Variants in CCDC180 observed in about 807,000 individuals in gnomAD.
CCDC180 encodes the protein coiled-coil domain-containing protein 180.
A neutral mutation model predicts 209.2 loss-of-function variants in CCDC180; 154 were observed. That is an observed-to-expected ratio of 0.74 (90% confidence interval 0.65 to 0.84). The LOEUF is 0.84. Ranked by LOEUF, CCDC180 falls within the 40% of genes least tolerant of loss-of-function variation. The probability of loss-of-function intolerance (pLI) is 0.00; values close to 1 mark genes in which losing one functional copy is unlikely to be tolerated. For synonymous variants in CCDC180, 778 were observed against 749.1 expected, an observed-to-expected ratio of 1.04 and a Z score of -0.63; for missense variants, 1,874 against 1,997.3, an observed-to-expected ratio of 0.94 and a Z score of 1.18.
chr9:97,327,728 C>T (rs528046691), intron 15 of CCDC180, among the ~76,000 whole-genome samples: 4 of 152,172 alleles, frequency 2.6e-5, no homozygotes, highest in South Asian at 4.2e-4. Flanking sequence ...ATGTAGGTAC[C>T]GTCAAGTTCG....
rs1826937056 is a variant in CCDC180 at position 97,366,798 on chromosome 9, G to C, written c.4189+98G>C. 3 of 1,336,976 alleles carry C rather than the reference G, an allele frequency of 2.2e-6. No homozygotes were observed. In the East Asian group the frequency reaches 7.4e-5, roughly 33 times the overall value. The allele number at this position is 1,336,976 out of a possible 1,614,324, so 82.8% of individuals were successfully genotyped here. ...CTTGTGGCCTGGATCCTCCCCTCTG[G>C]GGGAGGCAGAAGAGCTTCCCTGTGA... On this transcript the variant is annotated intron_variant, in intron 31 of 36. Coordinates refer to ENST00000529487, the MANE Select transcript of CCDC180 (RefSeq NM_020893.6). This position sits in a 1 kb window ranked among gnomAD's most constrained non-coding sequence, Gnocchi z 4.3.
intron 11 of CCDC180, 132 bp from the exon 12 acceptor site, chr9:97,322,701 C>CA: frequency 1.4e-6 from 1 of 735,520 alleles, no homozygotes; most frequent in Non-Finnish European, 2.3e-6. Flanking sequence ...CCCCTGATCT[C>CA]AATCGGGACC....
chr9:97,323,925 A>G (rs1171590679), intron 13 of CCDC180, 22 bp downstream of exon 13: 1 of 1,550,354 alleles, frequency 6.5e-7, no homozygotes, highest in Non-Finnish European at 8.7e-7. Context: ...GGACTGTTCC[A>G]CTGGGGAGCT....
Position 97,373,640 on chromosome 9 carries a change from A to G in CCDC180, c.4601-903A>G, listed in dbSNP as rs999796656. On this transcript the variant is annotated intron_variant, in intron 34 of 36. Transcript: ENST00000529487. ...AATGTAATAAGCATTGTAACTTACT[A>G]ATTAGTCCCTTTGCTATTGAACTTT... is the stretch of plus-strand genomic sequence containing the variant. 3 of 152,228 alleles carry G rather than the reference A, an allele frequency of 2.0e-5. No individual in the cohort carries two copies. The South Asian group carries it at 6.2e-4, about 32-fold the overall frequency. The allele number at this position is 152,228 out of a possible 1,614,324, so 9.4% of individuals were successfully genotyped here. A position where few individuals can be genotyped will look rare whatever the true frequency, so the allele number is the denominator to read the frequency against.
intron 15 of CCDC180, 139 bp downstream of exon 15, chr9:97,326,808 C>T: frequency 1.6e-6 from 1 of 607,492 alleles, no homozygotes; most frequent in Non-Finnish European, 3.0e-6. Flanking sequence ...AGCATGTGGC[C>T]CTCTGCAGCT....
intron 20 of CCDC180, among the ~76,000 whole-genome samples, chr9:97,348,790 C>T (rs1826343582): frequency 6.6e-6 from 1 of 152,196 alleles, no homozygotes; most frequent in Admixed American, 6.5e-5. Context: ...ACCCTCTCAC[C>T]TAGATCTCAG....
At chr9:97,339,113 A>G (rs796481301) in intron 18 of CCDC180, among the ~76,000 whole-genome samples, 15 of 152,182 alleles carry the variant, frequency 9.9e-5, no homozygotes, top group African/African-American at 3.6e-4. Flanking sequence ...TCTTTATTCA[A>G]TTTGCCAGTC....
intron 17 of CCDC180, 23 bp from the exon 18 acceptor site, chr9:97,330,299 G>T (rs1350722980): frequency 6.2e-7 from 1 of 1,612,674 alleles, no homozygotes; most frequent in Non-Finnish European, 8.5e-7. Flanking sequence ...CTCTCCTTGT[G>T]CTTTGGTGTT....
chr9:97,319,664 CT>C (rs1419865591), intron 10 of CCDC180, among the ~76,000 whole-genome samples: 1 of 152,216 alleles, frequency 6.6e-6, no homozygotes, highest in Middle Eastern at 3.4e-3. Flanking sequence ...TGATCTCATT[CT>C]TTTTTTATGA....
chr9:97,316,793 T>C (rs1587784362), intron 8 of CCDC180, among the ~76,000 whole-genome samples: 1 of 152,192 alleles, frequency 6.6e-6, no homozygotes, highest in African/African-American at 2.4e-5. Context: ...ACAAACCATC[T>C]GAAGTGACCT....
rs182905987 is a variant in CCDC180, at chr9:97,357,726, G to A, written c.3363+1G>A. ...TCAAGAGTCCAGGGGAGAGAAAACCGTAAGTGTTCAATAGATTCTGCATGT... is the reference window on the plus strand; with the variant it reads ...TCAAGAGTCCAGGGGAGAGAAAACCATAAGTGTTCAATAGATTCTGCATGT... On this transcript the variant is annotated splice_donor_variant, in intron 25 of 36. Coordinates refer to ENST00000529487, the MANE Select transcript of CCDC180 (RefSeq NM_020893.6). LOFTEE classifies it high-confidence loss of function. The A allele has an allele frequency of 1.6e-5, 26 of 1,590,856 alleles. No homozygotes were observed. The highest frequency in any genetic ancestry group is 7.9e-5 in the South Asian group (7 of 88,978).
chr9:97,372,889 A>G, intron 34 of CCDC180: 1 of 152,140 alleles, frequency 6.6e-6, no homozygotes. Context: ...AAATAACGAA[A>G]ATTGGATGCA....
At chr9:97,338,140 G>GT (rs1206440820) in intron 18 of CCDC180, among the ~76,000 whole-genome samples, 2 of 152,082 alleles carry the variant, frequency 1.3e-5, no homozygotes, top group Non-Finnish European at 2.9e-5. Flanking sequence ...TTTTTGAAAG[G>GT]TTTTTTGTGT....
chr9:97,354,945 C>G lies in CCDC180; in HGVS notation c.3201C>G (p.Asp1067Glu). The G allele has an allele frequency of 6.2e-7, 1 of 1,614,154 alleles. No individual in the cohort carries two copies. The highest frequency in any genetic ancestry group is 1.1e-5 in the South Asian group (1 of 91,082). ...GCAAATTCCATAACCTGTCTGTGGA[C>G]CTTATTTTCATAGAGAAAATCCAGC... ...FESKFHNLSV[D>E]LIFIEKIQRL... Residue 1067 changes from aspartate to glutamate, a missense_variant, in exon 24 of 37, where the codon GAC (aspartate) becomes GAG (glutamate). Asp to Glu is a conservative substitution (Grantham distance 45). Transcript: ENST00000529487.
chr9:97,332,829 A>G (rs750447402), intron 18 of CCDC180, among the ~76,000 whole-genome samples: 1 of 152,128 alleles, frequency 6.6e-6, no homozygotes, highest in Non-Finnish European at 1.5e-5. Flanking sequence ...GGATAGTTTG[A>G]CTTCCTCTCT....
intron 13 of CCDC180, 104 bp from the exon 14 acceptor site, chr9:97,324,915 A>C: frequency 9.3e-7 from 1 of 1,069,846 alleles, no homozygotes; most frequent in Non-Finnish European, 1.3e-6. Flanking sequence ...GTGTCTGGGC[A>C]ATACTGTTCA....
At chr9:97,318,771 G>A (rs767158612) in intron 10 of CCDC180, among the ~76,000 whole-genome samples, 189 bp downstream of exon 10, 2 of 152,178 alleles carry the variant, frequency 1.3e-5, no homozygotes, top group South Asian at 2.1e-4. Flanking sequence ...CCCATTTGCT[G>A]CAGGAAGAAA....
At position 97,366,726 on chromosome 9, in the gene CCDC180, G is replaced by T. The variant is rs528188653; in HGVS notation, c.4189+26G>T. ...GTGAGTATAGGCAGCAGGAAGGCAC[G>T]GGGAACAGGGCGGGGCGCGAAGCCA... is the stretch of plus-strand genomic sequence containing the variant. On this transcript the variant is annotated intron_variant, in intron 31 of 36. Transcript: ENST00000529487. The surrounding 1 kb of genome is among the most constrained non-coding windows in gnomAD (Gnocchi z 4.3). 5.6e-6 allele frequency: 9 copies of T among 1,612,508 alleles called. No homozygotes were observed. Among genetic ancestry groups the T allele is most frequent in the Non-Finnish European group, 5.9e-6 (7 of 1,179,166 alleles).
At chr9:97,324,381 A>G (rs1313447336) in intron 13 of CCDC180, among the ~76,000 whole-genome samples, 1 of 152,170 alleles carries the variant, frequency 6.6e-6, no homozygotes, top group African/African-American at 2.4e-5. Context: ...TCCAATAACT[A>G]TTGATGGACA....
Sources: gnomAD v4.1 joint callset for allele counts (sites outside exome capture counted in the v4.1 genomes callset) on GRCh38, gnomAD v4.1.1 for gene constraint, Gnocchi (gnomAD v3.1) non-coding constraint, MANE v1.5 for transcripts, NCBI Gene and HGNC (gene_info 2026-07-23, HGNC 2026-07-21) for gene names.